PDE4D: variants seen among roughly 807,000 people sequenced by gnomAD.
PDE4D encodes 3',5'-cyclic-AMP phosphodiesterase 4D.
Under a neutral mutation model 87.4 loss-of-function variants are expected in PDE4D, and 24 were observed. The observed-to-expected ratio is 0.27, with a 90% CI of 0.20 to 0.39. The LOEUF (loss-of-function observed/expected upper bound fraction) is 0.39, where lower values mean the gene tolerates loss of function less well. PDE4D is among the 10% of genes least tolerant of loss of function. The pLI, the probability that PDE4D is intolerant of heterozygous loss-of-function variation, is 1.00. For synonymous variants in PDE4D, 384 were observed against 383.2 expected (o/e 1.00, Z -0.02); for missense variants, 714 against 1,041.0 (o/e 0.69, Z 4.32).
intron 1 of PDE4D, among the ~76,000 whole-genome samples, chr5:60,426,436 A>T (rs925539494): frequency 6.6e-6 from 1 of 152,204 alleles, no homozygotes; most frequent in Non-Finnish European, 1.5e-5. Flanking sequence ...AATGACAGAA[A>T]ACCAAATACC....
chr5:60,060,853 C>A (rs754539425), intron 2 of PDE4D, among the ~76,000 whole-genome samples: 2 of 151,998 alleles, frequency 1.3e-5, no homozygotes, highest in African/African-American at 2.4e-5. Context: ...TCGATAGATG[C>A]AGAAAAGACC....
chr5:59,715,044 G>A (rs535287865), intron 1 of PDE4D, among the ~76,000 whole-genome samples: 5 of 152,384 alleles, frequency 3.3e-5, no homozygotes, highest in Non-Finnish European at 7.3e-5. Flanking sequence ...CTGAGCTCCA[G>A]TATTCACTGA....
intron 1 of PDE4D, among the ~76,000 whole-genome samples, chr5:60,427,174 T>C (rs1003176517): frequency 1.3e-5 from 2 of 152,122 alleles, no homozygotes; most frequent in African/African-American, 4.8e-5. Flanking sequence ...CTGAAAACTT[T>C]TCAAAACGAT....
intron 1 of PDE4D, among the ~76,000 whole-genome samples, chr5:59,853,296 T>C (rs1744951740): frequency 6.6e-6 from 1 of 152,038 alleles, no homozygotes; most frequent in South Asian, 2.1e-4. Context: ...GTCTGTAAAA[T>C]TAGATTGGAA....
At chr5:59,571,641 A>G (rs1029212069) in intron 1 of PDE4D, among the ~76,000 whole-genome samples, 3 of 152,238 alleles carry the variant, frequency 2.0e-5, no homozygotes, top group East Asian at 1.9e-4. Context: ...TGACTATTCT[A>G]GTAGTGGTAT....
chr5:59,448,545 T>G (rs139004196), intron 1 of PDE4D, among the ~76,000 whole-genome samples: 1 of 152,244 alleles, frequency 6.6e-6, no homozygotes, highest in African/African-American at 2.4e-5. Context: ...GAACACTCTT[T>G]TGCAGTGGTA....
intron 2 of PDE4D, among the ~76,000 whole-genome samples, chr5:60,020,550 G>A (rs536238408): frequency 1.3e-5 from 2 of 152,116 alleles, no homozygotes; most frequent in South Asian, 4.2e-4. Flanking sequence ...CACACACACA[G>A]CCTATTGGTT....
At chr5:59,845,451 T>C (rs907820278) in intron 1 of PDE4D, among the ~76,000 whole-genome samples, 1 of 152,100 alleles carries the variant, frequency 6.6e-6, no homozygotes, top group African/African-American at 2.4e-5. Flanking sequence ...CTCACCTGCA[T>C]GTCTCTTGCA....
intron 1 of PDE4D, among the ~76,000 whole-genome samples, chr5:59,398,438 G>A (rs373387198): frequency 1.4e-5 from 2 of 143,146 alleles, no homozygotes; most frequent in African/African-American, 5.3e-5. Flanking sequence ...ACACAAATCA[G>A]TAAATGTAAT....
chr5:59,562,612 T>A (rs1325147695), intron 1 of PDE4D, among the ~76,000 whole-genome samples: 1 of 152,226 alleles, frequency 6.6e-6, no homozygotes, highest in Admixed American at 6.5e-5. Context: ...TGTTTTTCCG[T>A]CTCTTTGTCA....
intron 2 of PDE4D, among the ~76,000 whole-genome samples, chr5:59,200,808 C>A (rs991404379): frequency 6.6e-6 from 1 of 151,536 alleles, no homozygotes; most frequent in East Asian, 1.9e-4. Flanking sequence ...ACTTAAAGAA[C>A]CATTCAAAGA....
intron 1 of PDE4D, among the ~76,000 whole-genome samples, chr5:60,409,167 T>A (rs1222279239): frequency 6.6e-6 from 1 of 152,200 alleles, no homozygotes; most frequent in East Asian, 1.9e-4. Flanking sequence ...TGGGGATGGC[T>A]ACTTCGGTTA....
intron 1 of PDE4D, among the ~76,000 whole-genome samples, chr5:59,764,474 T>C (rs1311682442): frequency 1.3e-5 from 2 of 152,104 alleles, no homozygotes; most frequent in Non-Finnish European, 2.9e-5. Context: ...TTAAGTTTAG[T>C]CTCTTTTCTA....
At chr5:59,150,354 AC>A (rs1327805001) in intron 5 of PDE4D, among the ~76,000 whole-genome samples, 1 of 152,152 alleles carries the variant, frequency 6.6e-6, no homozygotes, top group African/African-American at 2.4e-5. Context: ...ATTCTGACAG[AC>A]TTTTTATTTT....
intron 1 of PDE4D, among the ~76,000 whole-genome samples, chr5:60,198,221 A>G (rs76883120): frequency 0.024 from 3,682 of 151,592 alleles, 155 homozygotes; most frequent in African/African-American, 0.084. Flanking sequence ...TGGTAGATAA[A>G]ATAAACTCCT....
At chr5:60,141,846 A>T (rs1048000213) in intron 2 of PDE4D, among the ~76,000 whole-genome samples, 16 of 152,204 alleles carry the variant, frequency 1.1e-4, no homozygotes, top group Middle Eastern at 3.2e-3. Flanking sequence ...CTTAGAAGAC[A>T]TCTAACCAAA....
rs985760790 is a variant in PDE4D at position 60,413,451 on chromosome 5, G to C, written c.-90+74491C>G. ...AGAGCCTTTCATTTTCTGAAGATGA[G>C]AGGAGGAAGGAGGAAGGAGAAGGAG... On this transcript the variant is annotated intron_variant, in intron 1 of 16. Coordinates refer to the PDE4D transcript ENST00000502484. Among the ~76,000 whole-genome samples, 3 of 152,268 alleles carry C rather than the reference G, an allele frequency of 2.0e-5. 1 individual carries two copies. The highest frequency in any genetic ancestry group is 7.2e-5 in the African/African-American group (3 of 41,550).
chr5:59,644,529 AT>A (rs2150208253), intron 1 of PDE4D, among the ~76,000 whole-genome samples: 1 of 152,304 alleles, frequency 6.6e-6, no homozygotes, highest in East Asian at 1.9e-4. Flanking sequence ...TTGTTCCTGA[AT>A]TATGGTCCCA....
intron 1 of PDE4D, among the ~76,000 whole-genome samples, chr5:59,408,817 T>C (rs1038737388): frequency 2.6e-5 from 4 of 152,146 alleles, no homozygotes; most frequent in African/African-American, 9.7e-5. Flanking sequence ...GGGTGGGGCC[T>C]GAAGTCATTT....
Sources: gnomAD v4.1 joint callset for allele counts (sites outside exome capture counted in the v4.1 genomes callset) on GRCh38, gnomAD v4.1.1 for gene constraint, MANE v1.5 for transcripts, NCBI Gene and HGNC (gene_info 2026-07-23, HGNC 2026-07-21) for gene names.